The following EGFLAM variants were observed in gnomAD, a reference collection of about 807,000 sequenced individuals.
EGFLAM encodes the protein EGF like, fibronectin type III and laminin G domains.
Under a neutral mutation model 113.1 loss-of-function variants are expected in EGFLAM, and 79 were observed. The ratio of observed to expected loss-of-function variants is 0.70; its 90% CI spans 0.58 to 0.84. The LOEUF is 0.84. Ranked by LOEUF, EGFLAM falls within the 40% of genes least tolerant of loss-of-function variation. EGFLAM has a pLI of 0.00. For missense variants in EGFLAM, 1,265 were observed against 1,291.6 expected (o/e 0.98, Z 0.32); for synonymous variants, 504 against 487.6 (o/e 1.03, Z -0.44).
At chr5:38,324,043 C>CAAAAAA (rs34351121) in intron 1 of EGFLAM, among the ~76,000 whole-genome samples, 9 of 92,266 alleles carry the variant, frequency 9.8e-5, no homozygotes, top group African/African-American at 1.2e-4. Context: ...CCATCTCAAA[C>CAAAAAA]AAAAAAAAAA....
chr5:38,379,913 A>T (rs896886495), intron 6 of EGFLAM, among the ~76,000 whole-genome samples: 1 of 152,050 alleles, frequency 6.6e-6, no homozygotes, highest in African/African-American at 2.4e-5. Flanking sequence ...AAAAATAACC[A>T]TTTACTGAGA....
intron 10 of EGFLAM, among the ~76,000 whole-genome samples, chr5:38,412,117 T>C (rs1402059228): frequency 6.6e-6 from 1 of 152,186 alleles, no homozygotes; most frequent in Non-Finnish European, 1.5e-5. Flanking sequence ...AACTTTGATT[T>C]TAAATACAGG....
intron 5 of EGFLAM, among the ~76,000 whole-genome samples, chr5:38,364,167 A>G (rs1436644137): frequency 6.6e-6 from 1 of 152,210 alleles, no homozygotes; most frequent in Non-Finnish European, 1.5e-5. Flanking sequence ...GGAGTATCTC[A>G]TGTGAAAAAC....
intron 3 of EGFLAM, 87 bp downstream of exon 3, chr5:38,338,868 A>G (rs927319694): frequency 5.8e-6 from 6 of 1,031,248 alleles, no homozygotes; most frequent in South Asian, 1.3e-5. Flanking sequence ...GCTACTGTAC[A>G]TGTAATAATA....
chr5:38,309,786 C>T (rs76435232), intron 1 of EGFLAM, among the ~76,000 whole-genome samples: 36 of 152,292 alleles, frequency 2.4e-4, no homozygotes, highest in Non-Finnish European at 2.9e-4. Context: ...CCTCTCACTC[C>T]GGTACAACAT....
At chr5:38,331,187 C>A (rs1180957091) in intron 1 of EGFLAM, among the ~76,000 whole-genome samples, 1 of 152,100 alleles carries the variant, frequency 6.6e-6, no homozygotes, top group African/African-American at 2.4e-5. Flanking sequence ...TGCATAGACT[C>A]CCCCGTCATC....
chr5:38,291,844 G>A (rs1037959448), intron 1 of EGFLAM, among the ~76,000 whole-genome samples: 3 of 152,198 alleles, frequency 2.0e-5, no homozygotes, highest in Admixed American at 1.3e-4. Context: ...GGCATGGACC[G>A]AAGAGGGAAA....
At chr5:38,434,147 A>G (rs1742271261) in intron 15 of EGFLAM, among the ~76,000 whole-genome samples, 1 of 152,160 alleles carries the variant, frequency 6.6e-6, no homozygotes, top group Non-Finnish European at 1.5e-5. Context: ...AAGGCTCTGC[A>G]TGCTCTGGCC....
intron 1 of EGFLAM, among the ~76,000 whole-genome samples, chr5:38,291,513 C>A (rs1163615031): frequency 6.6e-6 from 1 of 152,158 alleles, no homozygotes; most frequent in East Asian, 1.9e-4. Flanking sequence ...AGGGTGGTTT[C>A]CAGCAATTTG....
At chr5:38,404,134 C>T (rs903051349) in intron 6 of EGFLAM, among the ~76,000 whole-genome samples, 8 of 152,166 alleles carry the variant, frequency 5.3e-5, no homozygotes, top group South Asian at 2.1e-4. Context: ...GTCAACAGCA[C>T]GCCCCCTGAC....
At chr5:38,430,400 G>A (rs1476756470) in intron 14 of EGFLAM, among the ~76,000 whole-genome samples, 1 of 152,088 alleles carries the variant, frequency 6.6e-6, no homozygotes, top group Non-Finnish European at 1.5e-5. Flanking sequence ...TCATTGTAAG[G>A]AATAAATAAA....
At chr5:38,336,005 C>T (rs1296494584) in intron 1 of EGFLAM, among the ~76,000 whole-genome samples, 1 of 152,144 alleles carries the variant, frequency 6.6e-6, no homozygotes, top group Admixed American at 6.5e-5. Context: ...CGTTTCTGTA[C>T]TCTGAACAAG....
At chr5:38,404,406 G>C (rs188153319) in intron 6 of EGFLAM, among the ~76,000 whole-genome samples, 1 of 152,272 alleles carries the variant, frequency 6.6e-6, no homozygotes, top group Admixed American at 6.5e-5. Context: ...GGCACCATCT[G>C]TGCCCTCATC....
At chr5:38,315,346 G>A (rs1288508182) in intron 1 of EGFLAM, among the ~76,000 whole-genome samples, 1 of 152,154 alleles carries the variant, frequency 6.6e-6, no homozygotes. Flanking sequence ...TATTGTGTCA[G>A]TCATGCATAT....
At chr5:38,381,259 C>A (rs1740504108) in intron 6 of EGFLAM, among the ~76,000 whole-genome samples, 2 of 152,108 alleles carry the variant, frequency 1.3e-5, no homozygotes, top group African/African-American at 4.8e-5. Context: ...GGGATCATTT[C>A]TTAGCATCTA....
chr5:38,355,914 C>A (rs536118043), intron 5 of EGFLAM, among the ~76,000 whole-genome samples: 13 of 152,118 alleles, frequency 8.5e-5, no homozygotes, highest in African/African-American at 2.9e-4. Context: ...GCACCCACCA[C>A]GATGCCTGGC....
rs937027616 is a variant in EGFLAM, at chr5:38,325,853, T to C, written c.98-11667T>C. ...GAAGGAAGAGGAAAGAGATTCAGTA[T>C]GAAATTTTAGCTGTATTTTATTTAC... On this transcript the variant is annotated intron_variant, in intron 1 of 21. Coordinates refer to ENST00000322350, the MANE Select transcript of EGFLAM (RefSeq NM_152403.4). Among the ~76,000 whole-genome samples, 9 of 152,272 alleles carry C rather than the reference T, an allele frequency of 5.9e-5. No individual in the cohort carries two copies. In the South Asian group the frequency reaches 1.0e-3, roughly 18 times the overall value.
At chr5:38,307,129 A>G (rs1343323544) in intron 1 of EGFLAM, among the ~76,000 whole-genome samples, 1 of 152,234 alleles carries the variant, frequency 6.6e-6, no homozygotes, top group Non-Finnish European at 1.5e-5. Flanking sequence ...GCTCAGCCCA[A>G]ATAGAAGAAT....
At chr5:38,438,535 A>C (rs1205058814) in intron 17 of EGFLAM, 80 bp downstream of exon 17, 1 of 1,338,246 alleles carries the variant, frequency 7.5e-7, no homozygotes, top group Non-Finnish European at 9.9e-7. Context: ...ACAACTCTTA[A>C]TGGAAGAGTT....
Sources: allele counts gnomAD v4.1 joint callset (sites outside exome capture counted in the v4.1 genomes callset), GRCh38; gene constraint gnomAD v4.1.1; transcripts MANE v1.5; gene names NCBI Gene and HGNC (gene_info 2026-07-23, HGNC 2026-07-21).